NCKAP1: variants seen among roughly 807,000 people sequenced by gnomAD.
NCKAP1 encodes NCK associated protein 1, also known as nck-associated protein 1.
Under a neutral mutation model 151.2 loss-of-function variants are expected in NCKAP1, and 21 were observed. The ratio of observed to expected loss-of-function variants is 0.14; its 90% CI spans 0.10 to 0.20. The LOEUF (loss-of-function observed/expected upper bound fraction) is 0.20, where lower values mean the gene tolerates loss of function less well. Ranked by LOEUF, NCKAP1 falls within the 10% of genes least tolerant of loss-of-function variation. The pLI, the probability that NCKAP1 is intolerant of heterozygous loss-of-function variation, is 1.00. For missense variants in NCKAP1, 933 were observed against 1,352.1 expected, an observed-to-expected ratio of 0.69 and a Z score of 4.86; for synonymous variants, 484 against 451.8, an observed-to-expected ratio of 1.07 and a Z score of -0.90.
chr2:182,986,069 T>C (rs1325002649), intron 10 of NCKAP1, 102 bp downstream of exon 10: 2 of 1,041,908 alleles, frequency 1.9e-6, no homozygotes, highest in African/African-American at 1.6e-5. Flanking sequence ...CCTCTTCTAC[T>C]ACCATATCTT....
chr2:183,023,372 A>T (rs1473282829), intron 2 of NCKAP1, among the ~76,000 whole-genome samples: 1 of 152,194 alleles, frequency 6.6e-6, no homozygotes, highest in Non-Finnish European at 1.5e-5. Context: ...ATTGTCAATT[A>T]TGAAAATACT....
At chr2:183,029,148 T>C (rs1355126676) in intron 1 of NCKAP1, among the ~76,000 whole-genome samples, 1 of 151,554 alleles carries the variant, frequency 6.6e-6, no homozygotes, top group Non-Finnish European at 1.5e-5. Flanking sequence ...TATAGGTCAG[T>C]AGTCAATTCA....
intron 1 of NCKAP1, among the ~76,000 whole-genome samples, chr2:183,024,755 A>G (rs1224211032): frequency 6.6e-6 from 1 of 152,238 alleles, no homozygotes; most frequent in African/African-American, 2.4e-5. Context: ...TACTAAAATT[A>G]TAACATTTCT....
chr2:182,957,700 C>T (rs901649654), intron 18 of NCKAP1, 104 bp from the exon 19 acceptor site: 1 of 1,207,738 alleles, frequency 8.3e-7, no homozygotes, highest in Non-Finnish European at 1.2e-6. Flanking sequence ...TTGCAAATAT[C>T]ACAACAATAT....
At chr2:183,025,561 T>A (rs932080374) in intron 1 of NCKAP1, among the ~76,000 whole-genome samples, 7 of 152,154 alleles carry the variant, frequency 4.6e-5, no homozygotes, top group African/African-American at 1.7e-4. Context: ...AACAAAATCT[T>A]AAGAAATTTA....
chr2:182,963,783 T>C (rs1697505292), intron 17 of NCKAP1, among the ~76,000 whole-genome samples: 1 of 152,108 alleles, frequency 6.6e-6, no homozygotes, highest in African/African-American at 2.4e-5. Flanking sequence ...AAAAAATCTA[T>C]TAAATCTAAA....
At position 183,037,949 on chromosome 2, in the gene NCKAP1, GGGCCCGCCCGCCTCCGCCGCGGCCTCCCC is replaced by G; in HGVS notation, c.108+14_108+42del. On this transcript the variant is annotated intron_variant, in intron 1 of 30. Transcript: ENST00000361354. ...GCCTCCCTTGCCCTTCATCCCTCCC[GGGCCCGCCCGCCTCCGCCGCGGCCTCCCC>G]GGCCCGTGCGCACCTTCTTGATGTT... is the stretch of plus-strand genomic sequence containing the variant. The G allele has an allele frequency of 6.7e-7, 1 of 1,490,838 alleles. No individual in the cohort carries two copies. Among genetic ancestry groups the G allele is most frequent in the Non-Finnish European group, 9.0e-7 (1 of 1,110,292 alleles). The allele number at this position is 1,490,838 out of a possible 1,614,324, so 92.4% of individuals were successfully genotyped here. A position where few individuals can be genotyped will look rare whatever the true frequency, so the allele number is the denominator to read the frequency against.
At chr2:182,989,609 G>A (rs1698126969) in intron 8 of NCKAP1, among the ~76,000 whole-genome samples, 1 of 152,196 alleles carries the variant, frequency 6.6e-6, no homozygotes, top group Non-Finnish European at 1.5e-5. Context: ...CACTGCGGGA[G>A]GTTGAAGTGG....
At chr2:182,955,423 TG>T (rs1697304423) in intron 20 of NCKAP1, among the ~76,000 whole-genome samples, 1 of 152,134 alleles carries the variant, frequency 6.6e-6, no homozygotes, top group Non-Finnish European at 1.5e-5. Context: ...TAAATAAGGA[TG>T]TAACTTCAGA....
At chr2:182,967,169 G>A (rs375207693) in intron 16 of NCKAP1, 47 bp downstream of exon 16, 77 of 1,520,178 alleles carry the variant, frequency 5.1e-5, no homozygotes, top group South Asian at 1.2e-4. Flanking sequence ...AACATATATC[G>A]CATACTAAAA....
intron 1 of NCKAP1, among the ~76,000 whole-genome samples, chr2:183,027,374 T>C (rs895875382): frequency 6.6e-6 from 1 of 152,208 alleles, no homozygotes; most frequent in African/African-American, 2.4e-5. Flanking sequence ...ACAGAAGTAC[T>C]AGGCCCCATC....
rs748223336 is a variant in NCKAP1, at chr2:183,002,939, G to A, written c.369+35C>T. The A allele has an allele frequency of 2.6e-6, 4 of 1,545,976 alleles. No homozygotes were observed. In the East Asian group the frequency reaches 9.0e-5, roughly 35 times the overall value. ...GGTCCCCTGAGCTCTTCTGGAAACA[G>A]AATAATTGGACATTTTTCTGAAAAT... On this transcript the variant is annotated intron_variant, in intron 4 of 30. Coordinates refer to ENST00000361354, the MANE Select transcript of NCKAP1 (RefSeq NM_013436.5).
chr2:183,002,419 C>A, intron 4 of NCKAP1, 150 bp from the exon 5 acceptor site: 8 of 587,730 alleles, frequency 1.4e-5, no homozygotes, highest in Non-Finnish European at 1.9e-5. Flanking sequence ...ACTAAAAGCA[C>A]ATCTAAAATT....
chr2:182,923,871 T>C lies in NCKAP1; in HGVS notation c.*1831A>G, dbSNP rs1367685780. 1.3e-5 allele frequency: 2 copies of C among 152,160 alleles called. No homozygotes were observed. The highest frequency in any genetic ancestry group is 4.8e-5 in the African/African-American group (2 of 41,436). The allele number at this position is 152,160 out of a possible 1,614,324, so 9.4% of individuals were successfully genotyped here. A position where few individuals can be genotyped will look rare whatever the true frequency, so the allele number is the denominator to read the frequency against. On this transcript the variant is annotated 3_prime_UTR_variant, in exon 31 of 31. Coordinates refer to ENST00000361354, the MANE Select transcript of NCKAP1 (RefSeq NM_013436.5). Reference sequence around the variant, plus strand: ...AAAAAATTTGGACAAAAACTTCAGGTGACTATGAGGAGCGATTTTTTTCTC... The same window carrying C: ...AAAAAATTTGGACAAAAACTTCAGGCGACTATGAGGAGCGATTTTTTTCTC...
chr2:182,972,717 G>T (rs1295786428), intron 15 of NCKAP1, among the ~76,000 whole-genome samples: 3 of 152,124 alleles, frequency 2.0e-5, no homozygotes, highest in Admixed American at 1.3e-4. Context: ...ATATTATTAT[G>T]CCATAAAAAA....
intron 15 of NCKAP1, among the ~76,000 whole-genome samples, chr2:182,975,001 T>C (rs1299389954): frequency 6.6e-6 from 1 of 152,224 alleles, no homozygotes; most frequent in Admixed American, 6.5e-5. Flanking sequence ...AGGGTGCATC[T>C]GAAATGCATC....
At chr2:182,991,172 C>A (rs1389789435) in intron 8 of NCKAP1, among the ~76,000 whole-genome samples, 1 of 152,168 alleles carries the variant, frequency 6.6e-6, no homozygotes, top group Non-Finnish European at 1.5e-5. Flanking sequence ...TTATCACTTA[C>A]AAGTTAAAAG....
chr2:182,963,375 C>G (rs1280396044), intron 17 of NCKAP1, among the ~76,000 whole-genome samples: 2 of 152,100 alleles, frequency 1.3e-5, no homozygotes, highest in Non-Finnish European at 2.9e-5. Flanking sequence ...TTTACAGATA[C>G]TAACTTACTT....
intron 1 of NCKAP1, 133 bp downstream of exon 1, chr2:183,037,859 G>T: frequency 3.1e-6 from 2 of 638,286 alleles, no homozygotes; most frequent in Non-Finnish European, 4.9e-6. Context: ...GCGACCCCGG[G>T]CCGGGCCTCG....
Sources: gnomAD v4.1 joint callset for allele counts (sites outside exome capture counted in the v4.1 genomes callset) on GRCh38, gnomAD v4.1.1 for gene constraint, MANE v1.5 for transcripts, NCBI Gene and HGNC (gene_info 2026-07-23, HGNC 2026-07-21) for gene names.